FLAD1: variants seen among roughly 807,000 people sequenced by gnomAD.
FLAD1 encodes bifunctional FAD diphosphatase/FAD synthase.
FLAD1 carries 35 observed loss-of-function variants against 55.0 expected under a neutral mutation model. The ratio of observed to expected loss-of-function variants is 0.64; its 90% CI spans 0.49 to 0.84. The LOEUF (loss-of-function observed/expected upper bound fraction) is 0.84, where lower values mean the gene tolerates loss of function less well. Ranked by LOEUF, FLAD1 falls within the 40% of genes least tolerant of loss-of-function variation. FLAD1 has a pLI of 0.00. For missense variants in FLAD1, 665 were observed against 742.6 expected (o/e 0.90, Z 1.21); for synonymous variants, 267 against 303.0 (o/e 0.88, Z 1.23).
chr1:154,983,408 A>G lies in FLAD1; in HGVS notation c.-287A>G, dbSNP rs1049805356. On this transcript the variant is annotated 5_prime_UTR_variant, in exon 1 of 7. Coordinates refer to ENST00000292180, the MANE Select transcript of FLAD1 (RefSeq NM_025207.5). ...GGGCAGAACAGGCAGGTGAGAGTCT[A>G]AGAGGGCTCAGTAATCTGAAGCTTG... 2 of 324,850 alleles carry G rather than the reference A, an allele frequency of 6.2e-6. No homozygotes were observed. The highest frequency in any genetic ancestry group is 1.1e-5 in the Non-Finnish European group (2 of 175,306). 20.1% of individuals were successfully genotyped at this position (324,850 alleles called of 1,614,324 possible). A position where few individuals can be genotyped will look rare whatever the true frequency, so the allele number is the denominator to read the frequency against.
rs374803472 is a variant in FLAD1 at position 154,988,414 on chromosome 1, C to T, written c.682C>T (p.Arg228Cys). 2.8e-5 allele frequency: 46 copies of T among 1,614,106 alleles called. No homozygotes were observed. Among genetic ancestry groups the T allele is most frequent in the African/African-American group, 6.7e-5 (5 of 74,946 alleles). The change falls in exon 2 of 7, where the codon CGC becomes TGC. Residue 228 changes from arginine to cysteine, a missense_variant. Physicochemically the swap from Arg to Cys is radical, Grantham distance 180. Coordinates refer to ENST00000292180, the MANE Select transcript of FLAD1 (RefSeq NM_025207.5). ...GCTATCATTGGTGCCCTCCTCTGCCCGCCTGCATTATGGCACAGATCCTTG... is the reference window on the plus strand; with the variant it reads ...GCTATCATTGGTGCCCTCCTCTGCCTGCCTGCATTATGGCACAGATCCTTG... ...EKLSLVPSSA[R>C]LHYGTDPCTG...
intron 5 of FLAD1, among the ~76,000 whole-genome samples, chr1:154,991,804 A>C (rs898804286): frequency 4.6e-5 from 7 of 151,964 alleles, no homozygotes; most frequent in African/African-American, 1.5e-4. Context: ...GTGAGCCATG[A>C]TCATGCCAGT....
intron 2 of FLAD1, 99 bp from the exon 3 acceptor site, chr1:154,989,461 G>C: frequency 1.6e-6 from 2 of 1,213,738 alleles, no homozygotes. Flanking sequence ...CAGAACACTG[G>C]GAAGATATTG....
chr1:154,992,651 C>T (rs1400540933), intron 5 of FLAD1, 62 bp from the exon 6 acceptor site: 5 of 1,614,044 alleles, frequency 3.1e-6, no homozygotes, highest in Admixed American at 1.7e-5. Context: ...CTTCCCAGGA[C>T]AGCAGGGGTA....
chr1:154,986,851 GC>G (rs1241668137), intron 1 of FLAD1, among the ~76,000 whole-genome samples: 2 of 151,642 alleles, frequency 1.3e-5, no homozygotes, highest in African/African-American at 2.4e-5. Flanking sequence ...TCCCACCTCA[GC>G]CTCCAAAAAT....
At chr1:154,991,885 G>GT (rs1257765565) in intron 5 of FLAD1, among the ~76,000 whole-genome samples, 1 of 152,078 alleles carries the variant, frequency 6.6e-6, no homozygotes, top group Non-Finnish European at 1.5e-5. Context: ...GCACACGCCT[G>GT]TAATCCCAGC....
Position 154,988,796 on chromosome 1 carries a change from T to A in FLAD1, c.1064T>A (p.Met355Lys). The change falls in exon 2 of 7, where the codon ATG (methionine) becomes AAG (lysine). Residue 355 changes from methionine (M) to lysine (K), a missense_variant. By Grantham distance (95) the Met-to-Lys change is moderately conservative (BLOSUM62 -1). Coordinates refer to ENST00000292180, the MANE Select transcript of FLAD1 (RefSeq NM_025207.5). ...CCCCAGGGATCGCTGGTCCCCTACATGCCCAACGCTGTGGAGCAGGCCAGT... is the reference window on the plus strand; with the variant it reads ...CCCCAGGGATCGCTGGTCCCCTACAAGCCCAACGCTGTGGAGCAGGCCAGT... ...RLPQGSLVPY[M>K]PNAVEQASEA... The A allele has an allele frequency of 1.9e-6, 3 of 1,614,210 alleles. No individual in the cohort carries two copies. The highest frequency in any genetic ancestry group is 2.5e-6 in the Non-Finnish European group (3 of 1,180,040).
At chr1:154,984,896 GCT>G (rs1657497989) in intron 1 of FLAD1, among the ~76,000 whole-genome samples, 1 of 151,844 alleles carries the variant, frequency 6.6e-6, no homozygotes, top group African/African-American at 2.4e-5. Context: ...ACAAGATTTT[GCT>G]CTGTCACCTA....
rs78191343 is a variant in FLAD1 at position 154,984,284 on chromosome 1, G to C, written c.372+218G>C. Among the ~76,000 whole-genome samples the C allele has an allele frequency of 0.042, 6,311 of 152,000 alleles. 435 individuals carry two copies. The highest frequency in any genetic ancestry group is 0.14 in the African/African-American group (6,007 of 41,430). On this transcript the variant is annotated intron_variant, in intron 1 of 6. Coordinates refer to ENST00000292180, the MANE Select transcript of FLAD1 (RefSeq NM_025207.5). The stretch of plus-strand genomic sequence containing the variant: ...CAAAGTCCCTACAATTTTTCAACCT[G>C]AGAGAGCTGATTGAAAAAAAGAAAA...
intron 6 of FLAD1, 56 bp from the exon 7 acceptor site, chr1:154,992,846 G>A (rs1196662720): frequency 7.4e-6 from 12 of 1,613,714 alleles, no homozygotes; most frequent in Non-Finnish European, 1.0e-5. Context: ...GGATAGGGAG[G>A]GCCAATAGGA....
chr1:154,990,085 G>C, intron 3 of FLAD1, 74 bp from the exon 4 acceptor site: 1 of 1,228,380 alleles, frequency 8.1e-7, no homozygotes, highest in Non-Finnish European at 1.2e-6. Flanking sequence ...GGGCCAACGA[G>C]AACAGTGAGC....
intron 1 of FLAD1, among the ~76,000 whole-genome samples, chr1:154,986,704 C>CCTTTT (rs1657626991): frequency 1.2e-4 from 11 of 91,730 alleles, no homozygotes; most frequent in African/African-American, 2.5e-4. Flanking sequence ...GCCCCCCACC[C>CCTTTT]TTTTTTTTTT....
intron 3 of FLAD1, 96 bp from the exon 4 acceptor site, chr1:154,990,063 A>C: frequency 1.0e-6 from 1 of 977,734 alleles, no homozygotes; most frequent in African/African-American, 1.6e-5. Flanking sequence ...AAGGGGTGAG[A>C]GTCTGTCCTA....
At chr1:154,987,745 T>G in intron 1 of FLAD1, 1 of 403,544 alleles carries the variant, frequency 2.5e-6, no homozygotes, top group Non-Finnish European at 4.5e-6. Flanking sequence ...AACACCAGCC[T>G]GGGCAACATG....
Position 154,988,208 on chromosome 1 carries a change from T to C in FLAD1, c.476T>C (p.Ile159Thr), listed in dbSNP as rs770528228. Residue 159 changes from isoleucine to threonine, a missense_variant, in exon 2 of 7, where the codon ATT (isoleucine) becomes ACT (threonine). Coordinates refer to ENST00000292180, the MANE Select transcript of FLAD1 (RefSeq NM_025207.5). ...GTTGTACCTGATGAGGTAGCCACCA[T>C]TGCAGCTGAGGTCACTTCTTTCTCC... ...VSVVPDEVAT[I>T]AAEVTSFSNR... 8.1e-6 allele frequency: 13 copies of C among 1,614,096 alleles called. No homozygotes were observed. Among genetic ancestry groups the C allele is most frequent in the South Asian group, 4.4e-5 (4 of 91,094 alleles).
At chr1:154,992,570 G>A in intron 5 of FLAD1, 143 bp from the exon 6 acceptor site, 1 of 1,613,872 alleles carries the variant, frequency 6.2e-7, no homozygotes. Flanking sequence ...CATAGAGCAA[G>A]CTATACCAGA....
At position 154,989,604 on chromosome 1, in the gene FLAD1, G is replaced by A. The variant is rs773824432; in HGVS notation, c.1162G>A (p.Glu388Lys). The change falls in exon 3 of 7, where the codon GAG becomes AAG. Residue 388 changes from glutamate to lysine, a missense_variant. Coordinates refer to ENST00000292180, the MANE Select transcript of FLAD1 (RefSeq NM_025207.5). Reference protein sequence around the residue: ...KKVAGALQTIETSLAQYSLTQ... With the variant: ...KKVAGALQTIKTSLAQYSLTQ... ...GGTGGCAGGTGCCCTACAGACCATT[G>A]AGACCTCCCTGGCTCAGTACAGCCT... is the stretch of plus-strand genomic sequence containing the variant. 1.9e-6 allele frequency: 3 copies of A among 1,602,924 alleles called. No individual in the cohort carries two copies. The highest frequency in any genetic ancestry group is 2.6e-6 in the Non-Finnish European group (3 of 1,173,952).
At chr1:154,988,936 C>T in intron 2 of FLAD1, 87 bp downstream of exon 2, 1 of 1,576,614 alleles carries the variant, frequency 6.3e-7, no homozygotes, top group South Asian at 1.1e-5. Flanking sequence ...TTGGGTGCTT[C>T]CTGCAAATCC....
chr1:154,987,935 A>G (rs1466421031), intron 1 of FLAD1, 170 bp from the exon 2 acceptor site: 2 of 1,487,868 alleles, frequency 1.3e-6, no homozygotes, highest in African/African-American at 1.4e-5. Flanking sequence ...TTTAAAACCA[A>G]ACAAATGGAT....
Sources: gnomAD v4.1 joint callset for allele counts (sites outside exome capture counted in the v4.1 genomes callset) on GRCh38, gnomAD v4.1.1 for gene constraint, MANE v1.5 for transcripts, NCBI Gene and HGNC (gene_info 2026-07-23, HGNC 2026-07-21) for gene names.